The following OSBPL1A variants were observed in gnomAD, a reference collection of about 807,000 sequenced individuals.
The protein encoded by OSBPL1A is oxysterol-binding protein-related protein 1.
In OSBPL1A, 80 loss-of-function variants were observed where a neutral mutation model predicts 137.1. That is an observed-to-expected ratio of 0.58 (90% CI 0.49 to 0.70). OSBPL1A has a LOEUF of 0.70. OSBPL1A is among the 30% of genes least tolerant of loss of function. OSBPL1A has a pLI of 0.00. For missense variants in OSBPL1A, 970 were observed against 1,129.4 expected (o/e 0.86, Z 2.02); for synonymous variants, 365 against 389.7 (o/e 0.94, Z 0.75).
intron 15 of OSBPL1A, among the ~76,000 whole-genome samples, chr18:24,275,572 A>G (rs916409517): frequency 1.3e-5 from 2 of 152,234 alleles, no homozygotes; most frequent in African/African-American, 2.4e-5. Context: ...GGAAGAGATC[A>G]TGACTTTGTA....
intron 4 of OSBPL1A, among the ~76,000 whole-genome samples, chr18:24,351,822 G>A (rs1258421774): frequency 3.3e-5 from 5 of 152,200 alleles, no homozygotes; most frequent in Non-Finnish European, 7.3e-5. Flanking sequence ...TTATAGGCGT[G>A]AGCCACTGTG....
intron 11 of OSBPL1A, among the ~76,000 whole-genome samples, chr18:24,315,564 T>C (rs2090704012): frequency 7.5e-6 from 1 of 134,144 alleles, no homozygotes; most frequent in African/African-American, 2.8e-5. Context: ...TTAATAATAT[T>C]ATGATTATTA....
chr18:24,270,387 C>G (rs1215711337), intron 15 of OSBPL1A, among the ~76,000 whole-genome samples: 1 of 152,200 alleles, frequency 6.6e-6, no homozygotes, highest in Non-Finnish European at 1.5e-5. Context: ...TTACTTCCCC[C>G]CCATTATGCA....
chr18:24,238,206 A>T (rs984493140), intron 16 of OSBPL1A, among the ~76,000 whole-genome samples: 9 of 152,060 alleles, frequency 5.9e-5, no homozygotes, highest in Non-Finnish European at 1.2e-4. Context: ...TATGAATTTG[A>T]TCCTTCACTT....
At chr18:24,317,776 A>G (rs2090763523) in intron 9 of OSBPL1A, among the ~76,000 whole-genome samples, 1 of 152,226 alleles carries the variant, frequency 6.6e-6, no homozygotes, top group African/African-American at 2.4e-5. Flanking sequence ...CAATATAAGC[A>G]TACAGATACA....
intron 5 of OSBPL1A, among the ~76,000 whole-genome samples, chr18:24,336,252 T>C (rs1479337793): frequency 3.9e-5 from 6 of 152,216 alleles, no homozygotes; most frequent in Admixed American, 6.6e-5. Flanking sequence ...GCTTAATGTT[T>C]GTCCCAGGTT....
At chr18:24,396,296 G>A (rs893239763) in intron 1 of OSBPL1A, among the ~76,000 whole-genome samples, 3 of 151,190 alleles carry the variant, frequency 2.0e-5, no homozygotes, top group Non-Finnish European at 2.9e-5. Context: ...AATAATACAT[G>A]CAAAAATGAG....
chr18:24,337,453 C>T (rs1220904412), intron 5 of OSBPL1A, among the ~76,000 whole-genome samples: 2 of 127,956 alleles, frequency 1.6e-5, no homozygotes, highest in African/African-American at 3.1e-5. Flanking sequence ...TGCCTATAGT[C>T]CTAACTACTT....
In OSBPL1A at chr18:24,331,045, G is replaced by A. The variant is rs139368088; in HGVS notation, c.625+1897C>T. Among the ~76,000 whole-genome samples the A allele has an allele frequency of 4.4e-3, 670 of 152,164 alleles. 7 individuals are homozygous for A. Among genetic ancestry groups the A allele is most frequent in the African/African-American group, 0.015 (641 of 41,506 alleles). On this transcript the variant is annotated intron_variant, in intron 7 of 27. Transcript: ENST00000319481. ...CTTGACCTTGTGATCTACCAGCCTC[G>A]GCCTCTCAAAGTGCTGGGATTACAG...
intron 14 of OSBPL1A, among the ~76,000 whole-genome samples, chr18:24,283,558 G>A (rs1006051287): frequency 6.6e-6 from 1 of 151,878 alleles, no homozygotes; most frequent in Non-Finnish European, 1.5e-5. Context: ...TTGCTAAATA[G>A]CAAAAGAGAC....
In OSBPL1A at chr18:24,342,772, C is replaced by T. The variant is rs1487378; in HGVS notation, c.283-1114G>A. 6.8e-3 allele frequency among the ~76,000 whole-genome samples: 1,032 copies of T among 152,022 alleles called. 6 individuals carry two copies. The highest frequency in any genetic ancestry group is 0.018 in the South Asian group (85 of 4,816). The stretch of plus-strand genomic sequence containing the variant: ...TTTCCCTAGGCAAAATTTGAGTTTT[C>T]GTAACATGATTTTACTTACATGCCA... On this transcript the variant is annotated intron_variant, in intron 4 of 27. Transcript: ENST00000319481.
At position 24,163,124 on chromosome 18, in the gene OSBPL1A, A is replaced by C; in HGVS notation, c.*55T>G. On this transcript the variant is annotated 3_prime_UTR_variant, in exon 28 of 28. Transcript: ENST00000319481. ...GAAACCAAGGGAAAAAAATTTAAAA[A>C]CATAGGTTTAAGACTTATTTGTAGA... 7.4e-7 allele frequency: 1 copy of C among 1,347,044 alleles called. No homozygotes were observed. The highest frequency in any genetic ancestry group is 1.3e-5 in the South Asian group (1 of 78,034). The allele number at this position is 1,347,044 out of a possible 1,614,324, so 83.4% of individuals were successfully genotyped here. A position where few individuals can be genotyped will look rare whatever the true frequency, so the allele number is the denominator to read the frequency against.
At chr18:24,309,061 G>A (rs1403059857) in intron 13 of OSBPL1A, among the ~76,000 whole-genome samples, 7 of 152,060 alleles carry the variant, frequency 4.6e-5, no homozygotes, top group Non-Finnish European at 7.4e-5. Context: ...GTAAGCCACC[G>A]TGCCCAGCTG....
chr18:24,273,168 A>C (rs527700144), intron 15 of OSBPL1A, among the ~76,000 whole-genome samples: 1 of 152,292 alleles, frequency 6.6e-6, no homozygotes, highest in South Asian at 2.1e-4. Context: ...CTGGCCTCCC[A>C]AAGTGCTGGG....
At chr18:24,238,290 T>C (rs1013586397) in intron 16 of OSBPL1A, among the ~76,000 whole-genome samples, 5 of 152,206 alleles carry the variant, frequency 3.3e-5, no homozygotes, top group Non-Finnish European at 7.3e-5. Context: ...TCACCTATTA[T>C]ATATGCATTT....
At chr18:24,303,744 A>G (rs757637041) in intron 13 of OSBPL1A, 26 bp from the exon 14 acceptor site, 2 of 1,566,876 alleles carry the variant, frequency 1.3e-6, no homozygotes, top group Non-Finnish European at 1.8e-6. Context: ...AGACAAAATT[A>G]AAACAAAGTA....
chr18:24,199,611 T>C (rs555176465), intron 17 of OSBPL1A, among the ~76,000 whole-genome samples: 2 of 152,304 alleles, frequency 1.3e-5, no homozygotes, highest in African/African-American at 2.4e-5. Context: ...GGCAGAAGCT[T>C]TGGAATGTAT....
At chr18:24,344,424 G>C (rs1156512034) in intron 4 of OSBPL1A, among the ~76,000 whole-genome samples, 1 of 152,220 alleles carries the variant, frequency 6.6e-6, no homozygotes, top group Non-Finnish European at 1.5e-5. Flanking sequence ...CTGCACTCCA[G>C]TCTGGGCAAC....
chr18:24,219,278 G>A (rs1398171505), intron 17 of OSBPL1A, among the ~76,000 whole-genome samples: 1 of 152,148 alleles, frequency 6.6e-6, no homozygotes, highest in African/African-American at 2.4e-5. Flanking sequence ...GGGCAATGGG[G>A]TGAGACCCTG....
Sources: allele counts gnomAD v4.1 joint callset (sites outside exome capture counted in the v4.1 genomes callset), GRCh38; gene constraint gnomAD v4.1.1; transcripts MANE v1.5; gene names NCBI Gene and HGNC (gene_info 2026-07-23, HGNC 2026-07-21).